Variants in PID1 observed in about 807,000 individuals in gnomAD.
The protein encoded by PID1 is phosphotyrosine interaction domain containing 1.
A neutral mutation model predicts 19.1 loss-of-function variants in PID1; 10 were observed. The ratio of observed to expected loss-of-function variants is 0.52; its 90% CI spans 0.32 to 0.89. PID1 has a LOEUF of 0.89. Among genes scored for constraint, PID1 ranks in the 40% least tolerant of loss-of-function variants. PID1 has a pLI of 0.03. For synonymous variants in PID1, 130 were observed against 116.0 expected, an observed-to-expected ratio of 1.12 and a Z score of -0.78; for missense variants, 248 against 285.3, an observed-to-expected ratio of 0.87 and a Z score of 0.94.
intron 2 of PID1, among the ~76,000 whole-genome samples, chr2:229,110,387 T>G (rs1177162511): frequency 6.6e-6 from 1 of 152,030 alleles, no homozygotes; most frequent in Admixed American, 6.6e-5. Context: ...GAGTCCTAAT[T>G]AACAGGAAGT....
In PID1 at chr2:229,271,271, A is replaced by G. The variant is rs1261357888; in HGVS notation, c.-228T>C. On this transcript the variant is annotated 5_prime_UTR_variant, in exon 1 of 3. Coordinates refer to ENST00000392055, the MANE Select transcript of PID1 (RefSeq NM_001100818.2). ...GGCCGCGCGCCGGCTGTCCTGGCGC[A>G]GCTGCGAGAGGACTGCGCAGCTCCG... 1.3e-5 allele frequency: 5 copies of G among 371,244 alleles called. No homozygotes were observed. Among genetic ancestry groups the G allele is most frequent in the Non-Finnish European group, 2.4e-5 (5 of 204,804 alleles). 23.0% of individuals were successfully genotyped at this position (371,244 alleles called of 1,614,324 possible).
intron 2 of PID1, among the ~76,000 whole-genome samples, chr2:229,147,724 T>C (rs939552175): frequency 1.3e-5 from 2 of 152,224 alleles, no homozygotes; most frequent in African/African-American, 2.4e-5. Context: ...TTCCCATTTT[T>C]TCACTAATGA....
At chr2:229,160,574 C>T (rs1290356108) in intron 1 of PID1, among the ~76,000 whole-genome samples, 2 of 152,074 alleles carry the variant, frequency 1.3e-5, no homozygotes, top group Non-Finnish European at 2.9e-5. Flanking sequence ...ACAGCTGGAA[C>T]AGAAATAAAA....
intron 1 of PID1, among the ~76,000 whole-genome samples, chr2:229,223,587 G>A (rs1692016945): frequency 6.6e-6 from 1 of 152,158 alleles, no homozygotes; most frequent in African/African-American, 2.4e-5. Context: ...AGTCAGGATG[G>A]AAATTATTCT....
chr2:229,162,389 C>T (rs891240208), intron 1 of PID1, among the ~76,000 whole-genome samples: 4 of 152,178 alleles, frequency 2.6e-5, no homozygotes, highest in Non-Finnish European at 4.4e-5. Flanking sequence ...TATAAAACAT[C>T]TTTGGAAGGC....
chr2:229,135,678 G>A (rs1203363234), intron 2 of PID1, among the ~76,000 whole-genome samples: 9 of 152,162 alleles, frequency 5.9e-5, no homozygotes, highest in South Asian at 2.1e-4. Context: ...CCAAAACAGC[G>A]CTGGACTGAG....
chr2:229,048,679 G>T (rs191137885), intron 2 of PID1, among the ~76,000 whole-genome samples: 8 of 152,258 alleles, frequency 5.3e-5, no homozygotes, highest in African/African-American at 1.9e-4. Context: ...GGCTAGTAAT[G>T]TATGTTACAA....
At chr2:229,071,812 T>A (rs148310999) in intron 2 of PID1, among the ~76,000 whole-genome samples, 1 of 152,208 alleles carries the variant, frequency 6.6e-6, no homozygotes, top group African/African-American at 2.4e-5. Context: ...GTAAAAGATA[T>A]TATGGTGAAA....
At chr2:229,153,192 T>C (rs182152759) in intron 2 of PID1, among the ~76,000 whole-genome samples, 46 of 152,364 alleles carry the variant, frequency 3.0e-4, no homozygotes, top group African/African-American at 1.0e-3. Flanking sequence ...AAAGTGACAC[T>C]GTCTTTGAGA....
Position 229,106,528 on chromosome 2 carries a change from G to A in PID1, c.177+49290C>T, listed in dbSNP as rs1449327245. The stretch of plus-strand genomic sequence containing the variant: ...GATAGGGTCTTTAGGAGACAATTAG[G>A]TCATGAGAGTGGGACCCTTATAAAT... On this transcript the variant is annotated intron_variant, in intron 2 of 2. Transcript: ENST00000392055. Among the ~76,000 whole-genome samples, 5 of 152,160 alleles carry A rather than the reference G, an allele frequency of 3.3e-5. No individual in the cohort carries two copies. In the South Asian group the frequency reaches 6.2e-4, roughly 19 times the overall value.
chr2:229,175,482 G>A (rs960004357), intron 1 of PID1, among the ~76,000 whole-genome samples: 9 of 152,202 alleles, frequency 5.9e-5, no homozygotes, highest in Admixed American at 5.2e-4. Context: ...CAATTAGCTT[G>A]TAAACAAAAA....
At chr2:229,046,406 AG>A (rs11346844) in intron 2 of PID1, among the ~76,000 whole-genome samples, 79,594 of 147,252 alleles carry the variant, frequency 0.54, 22,549 homozygotes, top group African/African-American at 0.72. Context: ...GTGAGTCAGG[AG>A]GGGGGGAACC....
chr2:229,147,903 G>A (rs1690168886), intron 2 of PID1, among the ~76,000 whole-genome samples: 2 of 152,160 alleles, frequency 1.3e-5, no homozygotes, highest in Admixed American at 1.3e-4. Flanking sequence ...AGTGTATGGG[G>A]CACATGGAAA....
chr2:229,207,283 C>T (rs182811799), intron 1 of PID1, among the ~76,000 whole-genome samples: 21 of 152,068 alleles, frequency 1.4e-4, no homozygotes, highest in Admixed American at 1.4e-3. Context: ...TCTTATTCTA[C>T]CCTTCCATAA....
intron 2 of PID1, among the ~76,000 whole-genome samples, chr2:229,133,461 A>G (rs1689786906): frequency 1.3e-5 from 2 of 152,250 alleles, no homozygotes; most frequent in Non-Finnish European, 2.9e-5. Context: ...CTAAATTAGT[A>G]TCAACAGACT....
At chr2:229,185,597 T>G (rs1249982283) in intron 1 of PID1, among the ~76,000 whole-genome samples, 4 of 152,094 alleles carry the variant, frequency 2.6e-5, no homozygotes, top group Admixed American at 6.5e-5. Flanking sequence ...GGCATTCATG[T>G]AAAGAGAGCT....
intron 2 of PID1, among the ~76,000 whole-genome samples, chr2:229,039,456 T>C (rs750480594): frequency 6.6e-5 from 10 of 152,224 alleles, no homozygotes; most frequent in Non-Finnish European, 1.2e-4. Flanking sequence ...AAAAGAGCCA[T>C]GTAGAAAATT....
Position 229,139,365 on chromosome 2 carries a change from A to C in PID1, c.177+16453T>G, listed in dbSNP as rs139110209. ...GCAGCCTAAAGACAAACGACTACAGATTAATGAGCTAGATGAAGAATCTAT... is the reference window on the plus strand; with the variant it reads ...GCAGCCTAAAGACAAACGACTACAGCTTAATGAGCTAGATGAAGAATCTAT... On this transcript the variant is annotated intron_variant, in intron 2 of 2. Coordinates refer to ENST00000392055, the MANE Select transcript of PID1 (RefSeq NM_001100818.2). Among the ~76,000 whole-genome samples, 40 of 152,318 alleles carry C rather than the reference A, an allele frequency of 2.6e-4. 1 individual carries two copies. Among genetic ancestry groups the C allele is most frequent in the African/African-American group, 8.9e-4 (37 of 41,594 alleles).
chr2:229,052,095 G>A (rs1384390601), intron 2 of PID1, among the ~76,000 whole-genome samples: 1 of 152,110 alleles, frequency 6.6e-6, no homozygotes, highest in African/African-American at 2.4e-5. Context: ...TTGGATAGTT[G>A]ACGCCCTCCA....
Sources: allele counts gnomAD v4.1 joint callset (sites outside exome capture counted in the v4.1 genomes callset), GRCh38; gene constraint gnomAD v4.1.1; transcripts MANE v1.5; gene names NCBI Gene and HGNC (gene_info 2026-07-23, HGNC 2026-07-21).